ABCC3: variants seen among roughly 807,000 people sequenced by gnomAD.
ABCC3 encodes ATP binding cassette subfamily C member 3, also known as ATP-binding cassette sub-family C member 3.
A neutral mutation model predicts 165.3 loss-of-function variants in ABCC3; 121 were observed. The ratio of observed to expected loss-of-function variants is 0.73; its 90% CI spans 0.63 to 0.85. ABCC3 has a LOEUF of 0.85. ABCC3 is among the 40% of genes least tolerant of loss of function. ABCC3 has a pLI of 0.00. For missense variants in ABCC3, 1,869 were observed against 1,964.1 expected (o/e 0.95, Z 0.92); for synonymous variants, 733 against 810.1 (o/e 0.90, Z 1.62).
intron 1 of ABCC3, chr17:50,635,660 G>GC: frequency 1.4e-6 from 1 of 695,104 alleles, no homozygotes; most frequent in Admixed American, 2.0e-5. Context: ...AGAAAGGGAG[G>GC]CCCAGAGAGA....
At chr17:50,659,192 C>G (rs771559443) in intron 6 of ABCC3, 45 bp from the exon 7 acceptor site, 1 of 1,606,904 alleles carries the variant, frequency 6.2e-7, no homozygotes, top group Non-Finnish European at 8.5e-7. Context: ...GCTGCTAAAC[C>G]CTGACCCTCT....
chr17:50,688,376 GCCTGCATGT>G (rs1050586146), intron 30 of ABCC3: 1 of 152,376 alleles, frequency 6.6e-6, no homozygotes, highest in African/African-American at 2.4e-5. Context: ...CTGGCAGAGT[GCCTGCATGT>G]CCCTCACCTT....
chr17:50,668,084 C>A, intron 13 of ABCC3, 75 bp downstream of exon 13: 1 of 1,294,842 alleles, frequency 7.7e-7, no homozygotes, highest in Non-Finnish European at 1.1e-6. Context: ...TCACTTAGGG[C>A]AAGGGATAAT....
Position 50,665,183 on chromosome 17 carries a change from G to A in ABCC3, c.1369G>A (p.Ala457Thr), listed in dbSNP as rs374279400. The change falls in exon 11 of 31, where the codon GCT (alanine) becomes ACT (threonine). Residue 457 changes from alanine (A) to threonine (T), a missense_variant. Coordinates refer to ENST00000285238, the MANE Select transcript of ABCC3 (RefSeq NM_003786.4). ...NLGPSVLAGV[A>T]FMVLLIPLNG... Reference sequence around the variant, plus strand: ...AGGTCCCTCTGTCCTGGCTGGAGTCGCTTTCATGGTCTTGCTGATTCCACT... The same window carrying A: ...AGGTCCCTCTGTCCTGGCTGGAGTCACTTTCATGGTCTTGCTGATTCCACT... 68 of 1,613,970 alleles carry A rather than the reference G, an allele frequency of 4.2e-5. No individual in the cohort carries two copies. The highest frequency in any genetic ancestry group is 5.5e-5 in the South Asian group (5 of 91,078).
intron 29 of ABCC3, among the ~76,000 whole-genome samples, chr17:50,686,773 C>T (rs1200105891): frequency 6.6e-6 from 1 of 152,180 alleles, no homozygotes; most frequent in Non-Finnish European, 1.5e-5. Flanking sequence ...TATCCGGCGG[C>T]TTATTCTGCT....
Position 50,678,182 on chromosome 17 carries a change from C to T in ABCC3, c.3668C>T (p.Pro1223Leu), listed in dbSNP as rs531699413. The T allele has an allele frequency of 1.6e-5, 25 of 1,540,148 alleles. No homozygotes were observed. Among genetic ancestry groups the T allele is most frequent in the East Asian group, 6.8e-5 (3 of 44,322 alleles). Residue 1223 changes from proline (P) to leucine (L), a missense_variant, in exon 25 of 31, where the codon CCG (proline) becomes CTG (leucine). Physicochemically the swap from Pro to Leu is moderately conservative, Grantham distance 98 (BLOSUM62 -3). Transcript: ENST00000285238. ...FAVIGRSSLN[P>L]GLVGLSVSYS... ...GTCATCGGGAGGAGCAGCCTGAACC[C>T]GGGGCTGGTGGGCCTTTCTGTGTCC...
At chr17:50,668,297 G>A in intron 13 of ABCC3, 133 bp from the exon 14 acceptor site, 1 of 744,684 alleles carries the variant, frequency 1.3e-6, no homozygotes, top group Non-Finnish European at 2.2e-6. Context: ...ACTCAGTCGT[G>A]GGAGGGACCC....
chr17:50,672,916 G>T, intron 17 of ABCC3, 55 bp from the exon 18 acceptor site: 5 of 1,518,854 alleles, frequency 3.3e-6, no homozygotes, highest in East Asian at 2.3e-5. Context: ...TGGACAGGCC[G>T]TTGTCTCCCT....
chr17:50,690,089 G>T (rs1485353636), intron 30 of ABCC3, among the ~76,000 whole-genome samples: 1 of 152,192 alleles, frequency 6.6e-6, no homozygotes, highest in Non-Finnish European at 1.5e-5. Context: ...AAGAGTTGGA[G>T]GATGGAGGTG....
At chr17:50,651,421 G>A (rs1201702214) in intron 1 of ABCC3, among the ~76,000 whole-genome samples, 1 of 152,068 alleles carries the variant, frequency 6.6e-6, no homozygotes, top group African/African-American at 2.4e-5. Flanking sequence ...TTGATGCTAA[G>A]AGTGTTAAAA....
At chr17:50,657,945 C>T in intron 4 of ABCC3, 137 bp from the exon 5 acceptor site, 7 of 1,212,124 alleles carry the variant, frequency 5.8e-6, no homozygotes, top group South Asian at 5.6e-5. Context: ...TCAGAGTCCT[C>T]TGAGTGGGGA....
At chr17:50,635,153 G>A (rs2054166642) in intron 1 of ABCC3, 172 bp downstream of exon 1, 4 of 689,640 alleles carry the variant, frequency 5.8e-6, no homozygotes, top group Admixed American at 3.8e-5. Flanking sequence ...TGGCTGCGCC[G>A]CCCGGAGCCG....
chr17:50,658,584 G>A (rs1967309869), intron 6 of ABCC3, 88 bp downstream of exon 6: 13 of 1,441,378 alleles, frequency 9.0e-6, no homozygotes, highest in Non-Finnish European at 1.3e-5. Flanking sequence ...GCAGTTTAGG[G>A]ACCGGGCTGG....
intron 26 of ABCC3, among the ~76,000 whole-genome samples, chr17:50,682,928 C>T (rs1967952894): frequency 6.6e-6 from 1 of 152,106 alleles, no homozygotes; most frequent in African/African-American, 2.4e-5. Flanking sequence ...AGGTGTGGCA[C>T]AGTGGCTCAC....
chr17:50,657,741 G>C (rs1967283303), intron 4 of ABCC3, among the ~76,000 whole-genome samples: 1 of 152,210 alleles, frequency 6.6e-6, no homozygotes, highest in Non-Finnish European at 1.5e-5. Context: ...CCCCATGTGG[G>C]CTCGGGCGGG....
intron 1 of ABCC3, among the ~76,000 whole-genome samples, chr17:50,652,138 T>G (rs1967125430): frequency 6.6e-6 from 1 of 152,216 alleles, no homozygotes; most frequent in Non-Finnish European, 1.5e-5. Context: ...AATAGAGCTC[T>G]TTCATAATTT....
intron 1 of ABCC3, among the ~76,000 whole-genome samples, chr17:50,639,886 C>A (rs1237657927): frequency 1.3e-5 from 2 of 152,064 alleles, no homozygotes; most frequent in Non-Finnish European, 2.9e-5. Flanking sequence ...GCCTCAGCCT[C>A]CCAAGTAGCT....
intron 4 of ABCC3, among the ~76,000 whole-genome samples, chr17:50,657,826 G>A (rs1229439972): frequency 2.0e-5 from 3 of 152,242 alleles, no homozygotes; most frequent in African/African-American, 7.2e-5. Flanking sequence ...GTAGGCTGAT[G>A]TCCCAGTTAG....
chr17:50,679,611 C>T (rs1967891056), intron 25 of ABCC3, 187 bp from the exon 26 acceptor site: 1 of 568,974 alleles, frequency 1.8e-6, no homozygotes, highest in East Asian at 2.9e-5. Flanking sequence ...ACTGTCACTG[C>T]CCAAGGGAGT....
Sources: gnomAD v4.1 joint callset for allele counts (sites outside exome capture counted in the v4.1 genomes callset) on GRCh38, gnomAD v4.1.1 for gene constraint, MANE v1.5 for transcripts, NCBI Gene and HGNC (gene_info 2026-07-23, HGNC 2026-07-21) for gene names.